The following CACNA2D3 variants were observed in gnomAD, a reference collection of about 807,000 sequenced individuals.
The protein encoded by CACNA2D3 is calcium voltage-gated channel auxiliary subunit alpha2delta 3, also known as voltage-dependent calcium channel subunit alpha-2/delta-3.
Under a neutral mutation model 160.6 loss-of-function variants are expected in CACNA2D3, and 60 were observed. The observed-to-expected ratio is 0.37, with a 90% confidence interval of 0.30 to 0.46. The LOEUF is 0.46. Among genes scored for constraint, CACNA2D3 ranks in the 20% least tolerant of loss-of-function variants. The pLI is 1.00. For synonymous variants in CACNA2D3, 558 were observed against 492.9 expected (o/e 1.13, Z -1.75); for missense variants, 1,205 against 1,365.0 (o/e 0.88, Z 1.85).
rs766329620 is a variant in CACNA2D3 at position 54,178,596 on chromosome 3, G to A, written c.204+55002G>A. On this transcript the variant is annotated intron_variant, in intron 2 of 37. Transcript: ENST00000474759. ...TTTGCTGTTTCTGAGGGCTGTCTTG[G>A]TTGTTTGCCTGGAAATTATGAAATT... Among the ~76,000 whole-genome samples the A allele has an allele frequency of 3.9e-5, 6 of 152,202 alleles. No individual in the cohort carries two copies. The South Asian group carries it at 1.2e-3, about 31-fold the overall frequency.
chr3:54,827,799 C>T (rs529412608), intron 14 of CACNA2D3, among the ~76,000 whole-genome samples: 15 of 152,254 alleles, frequency 9.9e-5, no homozygotes, highest in African/African-American at 2.4e-4. Flanking sequence ...ATAAATTAAA[C>T]GATAGTGTTG....
At chr3:54,733,676 T>C (rs978312047) in intron 11 of CACNA2D3, among the ~76,000 whole-genome samples, 2 of 152,152 alleles carry the variant, frequency 1.3e-5, no homozygotes, top group Non-Finnish European at 2.9e-5. Flanking sequence ...TGATTTAACT[T>C]AGAGAACACA....
At chr3:54,341,786 A>G (rs1404160413) in intron 3 of CACNA2D3, among the ~76,000 whole-genome samples, 1 of 152,154 alleles carries the variant, frequency 6.6e-6, no homozygotes, top group African/African-American at 2.4e-5. Context: ...TCCAGAGTGT[A>G]TGTAACTAAC....
intron 2 of CACNA2D3, among the ~76,000 whole-genome samples, chr3:54,274,733 G>A (rs1023111514): frequency 1.3e-5 from 2 of 152,166 alleles, no homozygotes; most frequent in Admixed American, 6.5e-5. Context: ...CTGAAGGCTC[G>A]GCTAGGGGGG....
chr3:54,611,390 A>G (rs1290342140), intron 9 of CACNA2D3, among the ~76,000 whole-genome samples: 2 of 152,178 alleles, frequency 1.3e-5, no homozygotes, highest in Non-Finnish European at 2.9e-5. Flanking sequence ...CTGCATGTCA[A>G]TTTATGTCCC....
chr3:54,162,688 A>G (rs951789582), intron 2 of CACNA2D3, among the ~76,000 whole-genome samples: 4 of 152,162 alleles, frequency 2.6e-5, no homozygotes, highest in African/African-American at 7.2e-5. Context: ...CAAAGCACCC[A>G]TATTCTGCCC....
intron 2 of CACNA2D3, among the ~76,000 whole-genome samples, chr3:54,182,655 A>G (rs935067858): frequency 1.3e-5 from 2 of 152,156 alleles, no homozygotes; most frequent in Non-Finnish European, 2.9e-5. Context: ...CTACCAGTTA[A>G]TTTGGTTGGG....
intron 35 of CACNA2D3, among the ~76,000 whole-genome samples, chr3:55,067,495 A>C (rs1704687440): frequency 6.6e-6 from 1 of 152,102 alleles, no homozygotes; most frequent in African/African-American, 2.4e-5. Context: ...GTTGAGTTTC[A>C]GTTTTCTCTT....
intron 3 of CACNA2D3, among the ~76,000 whole-genome samples, chr3:54,348,955 T>C (rs899588795): frequency 1.3e-5 from 2 of 152,186 alleles, no homozygotes; most frequent in African/African-American, 4.8e-5. Flanking sequence ...CTTGAACTCC[T>C]GACCTTAAGT....
intron 11 of CACNA2D3, among the ~76,000 whole-genome samples, chr3:54,659,072 A>G (rs1432350345): frequency 6.6e-6 from 1 of 152,120 alleles, no homozygotes; most frequent in Non-Finnish European, 1.5e-5. Context: ...GCTCTATCCT[A>G]CTAGATTTAA....
chr3:54,677,206 T>TGA (rs1337386731), intron 11 of CACNA2D3, among the ~76,000 whole-genome samples: 1 of 152,232 alleles, frequency 6.6e-6, no homozygotes, highest in Non-Finnish European at 1.5e-5. Flanking sequence ...CTTGGTACCA[T>TGA]GAGTCTTATA....
At chr3:54,438,476 T>C (rs550044080) in intron 4 of CACNA2D3, among the ~76,000 whole-genome samples, 1 of 152,314 alleles carries the variant, frequency 6.6e-6, no homozygotes, top group East Asian at 1.9e-4. Flanking sequence ...AGATGACCTT[T>C]CATGGCAGAT....
intron 15 of CACNA2D3, among the ~76,000 whole-genome samples, chr3:54,837,442 A>G (rs1698717978): frequency 6.6e-6 from 1 of 152,176 alleles, no homozygotes; most frequent in East Asian, 1.9e-4. Flanking sequence ...ACCTTTCCAA[A>G]GTTTAAGTAT....
intron 4 of CACNA2D3, among the ~76,000 whole-genome samples, chr3:54,478,441 G>A (rs957710923): frequency 2.6e-5 from 4 of 151,438 alleles, no homozygotes; most frequent in Non-Finnish European, 4.4e-5. Context: ...GACCATCCTC[G>A]CTAACACGGT....
Position 54,886,656 on chromosome 3 carries a change from A to T in CACNA2D3, c.2056+1070A>T, listed in dbSNP as rs1575531465. ...TAATGCTATTCCTACATATGTAGGT[A>T]TCTATAAACAATATGTAGCATTAAT... On this transcript the variant is annotated intron_variant, in intron 23 of 37. Transcript: ENST00000474759. Among the ~76,000 whole-genome samples the T allele has an allele frequency of 2.0e-5, 3 of 152,238 alleles. No individual in the cohort carries two copies. In the South Asian group the frequency reaches 6.2e-4, roughly 32 times the overall value.
chr3:54,198,714 C>T (rs7640196), intron 2 of CACNA2D3, among the ~76,000 whole-genome samples: 55,796 of 152,188 alleles, frequency 0.37, 13,124 homozygotes, highest in African/African-American at 0.65. Flanking sequence ...TGCCACTGTC[C>T]CTCAGGCCCC....
At chr3:54,427,623 T>G (rs1287145837) in intron 4 of CACNA2D3, among the ~76,000 whole-genome samples, 3 of 152,180 alleles carry the variant, frequency 2.0e-5, no homozygotes, top group African/African-American at 7.2e-5. Context: ...TCTGGCAACC[T>G]TATTTGTAGT....
chr3:54,752,171 A>G (rs1701869433), intron 11 of CACNA2D3, among the ~76,000 whole-genome samples: 1 of 152,098 alleles, frequency 6.6e-6, no homozygotes, highest in Non-Finnish European at 1.5e-5. Context: ...TGTCCTCACC[A>G]TTGGAGGGAA....
chr3:54,484,438 G>C (rs529288751), intron 4 of CACNA2D3, among the ~76,000 whole-genome samples: 17 of 152,088 alleles, frequency 1.1e-4, no homozygotes, highest in Non-Finnish European at 2.1e-4. Flanking sequence ...GAAGATGCTA[G>C]GTAGTGATGG....
Sources: gnomAD v4.1 joint callset for allele counts (sites outside exome capture counted in the v4.1 genomes callset) on GRCh38, gnomAD v4.1.1 for gene constraint, MANE v1.5 for transcripts, NCBI Gene and HGNC (gene_info 2026-07-23, HGNC 2026-07-21) for gene names.